CAGE1: variants seen among roughly 807,000 people sequenced by gnomAD.
CAGE1 encodes cancer-associated gene 1 protein.
In CAGE1, 66 loss-of-function variants were observed where a neutral mutation model predicts 94.9. The observed-to-expected ratio is 0.70, with a 90% CI of 0.57 to 0.85. The LOEUF (loss-of-function observed/expected upper bound fraction) is 0.85. Among genes scored for constraint, CAGE1 ranks in the 40% least tolerant of loss-of-function variants. The pLI is 0.00. For synonymous variants in CAGE1, 319 were observed against 321.0 expected (o/e 0.99, Z 0.07); for missense variants, 865 against 950.4 (o/e 0.91, Z 1.18).
intron 11 of CAGE1, among the ~76,000 whole-genome samples, chr6:7,344,052 G>A (rs1759304093): frequency 6.6e-6 from 1 of 152,250 alleles, no homozygotes; most frequent in Admixed American, 6.5e-5. Context: ...GTGACAGCGT[G>A]CTGGCAATCC....
At chr6:7,345,361 AT>A (rs1164763172) in intron 11 of CAGE1, among the ~76,000 whole-genome samples, 5 of 82,822 alleles carry the variant, frequency 6.0e-5, no homozygotes, top group African/African-American at 2.4e-4. Context: ...CTCTGAACAC[AT>A]CAGAACATCA....
intron 11 of CAGE1, chr6:7,341,275 T>C: frequency 3.0e-6 from 2 of 663,898 alleles, no homozygotes; most frequent in Admixed American, 1.9e-5. Flanking sequence ...CATCTCCTTG[T>C]GGTGGGTGTA....
chr6:7,378,362 T>G (rs1475725585), intron 4 of CAGE1, among the ~76,000 whole-genome samples: 7 of 152,194 alleles, frequency 4.6e-5, no homozygotes, highest in Admixed American at 2.6e-4. Flanking sequence ...ATTTCTGAAT[T>G]GGCTAAGATC....
Position 7,355,071 on chromosome 6 carries a change from C to G in CAGE1, c.2339G>C (p.Arg780Thr), listed in dbSNP as rs192251770. The part of the protein sequence containing the change: ...YEEIIECADQ[R>T]LAISHSQIAH... ...AATCTGGGAGTGGGATATTGCAAGC[C>G]TTTGGTCAGCACATTCAATGATTTC... Residue 780 changes from arginine (R) to threonine (T), a missense_variant, in exon 11 of 14, where the codon AGG becomes ACG. Arg to Thr is a moderately conservative substitution (Grantham distance 71). Transcript: ENST00000502583. The G allele has an allele frequency of 6.2e-7, 1 of 1,608,676 alleles. No individual in the cohort carries two copies.
rs1271681438 is a variant in CAGE1 at position 7,378,870 on chromosome 6, C to T, written c.434G>A (p.Ser145Asn). 2 of 1,611,704 alleles carry T rather than the reference C, an allele frequency of 1.2e-6. No homozygotes were observed. The highest frequency in any genetic ancestry group is 1.7e-6 in the Non-Finnish European group (2 of 1,178,552). Residue 145 changes from serine (S) to asparagine (N), a missense_variant, in exon 4 of 14, where the codon AGT (serine) becomes AAT (asparagine). By Grantham distance (46) the Ser-to-Asn change is conservative. Coordinates refer to ENST00000502583, the MANE Select transcript of CAGE1 (RefSeq NM_001170692.2). ...DEMTEKPEFQ[S>N]QVYNYAKDNN... is the part of the protein sequence containing the mutation. ...GTCTTTTGCATAATTATACACTTGA[C>T]TTTGAAATTCTGGCTTCTCTGTCAT...
In CAGE1 at chr6:7,373,805, T is replaced by A. The variant is rs570196844; in HGVS notation, c.1014A>T (p.Lys338Asn). The change falls in exon 5 of 14, where the codon AAA becomes AAT. Residue 338 changes from lysine (K) to asparagine (N), a missense_variant. By Grantham distance (94) the Lys-to-Asn change is moderately conservative. Coordinates refer to ENST00000502583, the MANE Select transcript of CAGE1 (RefSeq NM_001170692.2). Reference sequence around the variant, plus strand: ...GTTTGGTAATCTTCATCTGTAGTTCTTTAACCCTCTTCTCTAAATACAGGT... The same window carrying A: ...GTTTGGTAATCTTCATCTGTAGTTCATTAACCCTCTTCTCTAAATACAGGT... The part of the protein sequence containing the change: ...CSNLYLEKRV[K>N]ELQMKITKQQ... The A allele has an allele frequency of 6.2e-6, 10 of 1,613,906 alleles. No homozygotes were observed. The South Asian group carries it at 9.9e-5, about 16-fold the overall frequency.
At position 7,339,565 on chromosome 6, in the gene CAGE1, C is replaced by T. The variant is rs775065342; in HGVS notation, c.2370-5475G>A. The T allele has an allele frequency of 8.4e-5, 64 of 766,178 alleles. No individual in the cohort carries two copies. Among genetic ancestry groups the T allele is most frequent in the African/African-American group, 2.0e-4 (12 of 58,772 alleles). 47.5% of individuals were successfully genotyped at this position (766,178 alleles called of 1,614,324 possible). A position where few individuals can be genotyped will look rare whatever the true frequency, so the allele number is the denominator to read the frequency against. On this transcript the variant is annotated intron_variant, in intron 11 of 13. Coordinates refer to ENST00000502583, the MANE Select transcript of CAGE1 (RefSeq NM_001170692.2). This position sits in a 1 kb window ranked among gnomAD's most constrained non-coding sequence, Gnocchi z 4.7. ...TTCCTCTTCTTGGAAATTTGTAAGG[C>T]GATCTTGCCGCCATGCTCCGCTGAA...
At chr6:7,368,252 CAAAAAAAAAAAA>C (rs57530544) in intron 7 of CAGE1, among the ~76,000 whole-genome samples, 1 of 84,442 alleles carries the variant, frequency 1.2e-5, no homozygotes, top group South Asian at 3.9e-4. Context: ...GACTCTGTCT[CAAAAAAAAAAAA>C]AAAAAAAAAA....
chr6:7,335,406 A>G (rs1758920261), intron 11 of CAGE1, among the ~76,000 whole-genome samples: 1 of 152,212 alleles, frequency 6.6e-6, no homozygotes, highest in Middle Eastern at 3.2e-3. Context: ...ACGCCTGTAG[A>G]AGGGTCAGGC....
intron 11 of CAGE1, among the ~76,000 whole-genome samples, chr6:7,345,178 T>A (rs1448921593): frequency 2.9e-5 from 4 of 137,896 alleles, no homozygotes; most frequent in Admixed American, 2.2e-4. Flanking sequence ...GCTATGACAC[T>A]CCTTGTGAAG....
chr6:7,370,140 A>G, intron 5 of CAGE1, 75 bp from the exon 6 acceptor site: 8 of 1,183,894 alleles, frequency 6.8e-6, no homozygotes, highest in Non-Finnish European at 9.3e-6. Flanking sequence ...AATGCTGAAT[A>G]AAATGGCACT....
intron 11 of CAGE1, among the ~76,000 whole-genome samples, chr6:7,337,325 GA>G (rs58144720): frequency 0.3 from 24,388 of 81,594 alleles, 1,832 homozygotes; most frequent in Middle Eastern, 0.43. Context: ...AGACTGTCTC[GA>G]AAAAAAAAAA....
chr6:7,328,463 G>A (rs1758608431), intron 13 of CAGE1, among the ~76,000 whole-genome samples: 1 of 152,102 alleles, frequency 6.6e-6, no homozygotes, highest in Non-Finnish European at 1.5e-5. Flanking sequence ...TTTGTGAGGT[G>A]GGAACTGAGT....
chr6:7,354,165 T>A (rs1273063574), intron 11 of CAGE1, among the ~76,000 whole-genome samples: 1 of 152,184 alleles, frequency 6.6e-6, no homozygotes, highest in Non-Finnish European at 1.5e-5. Flanking sequence ...TAGTTTGATA[T>A]TATTTTTAAA....
intron 3 of CAGE1, among the ~76,000 whole-genome samples, chr6:7,384,810 G>A (rs1004144560): frequency 2.6e-5 from 4 of 151,640 alleles, no homozygotes; most frequent in African/African-American, 7.3e-5. Flanking sequence ...AGCCTCCCGC[G>A]CTCAGGTAAT....
At chr6:7,376,346 G>A (rs966985954) in intron 4 of CAGE1, among the ~76,000 whole-genome samples, 1 of 151,786 alleles carries the variant, frequency 6.6e-6, no homozygotes, top group African/African-American at 2.4e-5. Context: ...CCAAGATGGT[G>A]CCACTGCACT....
At position 7,389,295 on chromosome 6, in the gene CAGE1, T is replaced by C. The variant is rs1041056451; in HGVS notation, c.-117A>G. 2.2e-6 allele frequency: 1 copy of C among 456,176 alleles called. No individual in the cohort carries two copies. Among genetic ancestry groups the C allele is most frequent in the African/African-American group, 2.0e-5 (1 of 50,088 alleles). The allele number at this position is 456,176 out of a possible 1,614,324, so 28.3% of individuals were successfully genotyped here. On this transcript the variant is annotated 5_prime_UTR_variant, in exon 1 of 14. The change abolishes an upstream ATG in the 5' untranslated region. Transcript: ENST00000502583. Reference sequence around the variant, plus strand: ...AAAGTGTGCTCACTTCCAGGATCCATAGTTTCTTGGACCCACGCTACGGAC... The same window carrying C: ...AAAGTGTGCTCACTTCCAGGATCCACAGTTTCTTGGACCCACGCTACGGAC...
At chr6:7,344,408 A>G (rs1179957304) in intron 11 of CAGE1, among the ~76,000 whole-genome samples, 5 of 152,216 alleles carry the variant, frequency 3.3e-5, no homozygotes, top group African/African-American at 1.2e-4. Context: ...GTGCCAGCCC[A>G]CCGGCGCTGT....
chr6:7,352,309 AAAAAAAC>A (rs1274129261), intron 11 of CAGE1, among the ~76,000 whole-genome samples: 4 of 112,096 alleles, frequency 3.6e-5, no homozygotes, highest in South Asian at 4.9e-4. Flanking sequence ...AAAAAAACAA[AAAAAAAC>A]AAAAAAAAAA....
Sources: gnomAD v4.1 joint callset for allele counts (sites outside exome capture counted in the v4.1 genomes callset) on GRCh38, gnomAD v4.1.1 for gene constraint, Gnocchi (gnomAD v3.1) non-coding constraint, MANE v1.5 for transcripts, NCBI Gene and HGNC (gene_info 2026-07-23, HGNC 2026-07-21) for gene names.